GRAMD1C: variants seen among roughly 807,000 people sequenced by gnomAD.
GRAMD1C encodes the protein GRAM domain containing 1C.
Under a neutral mutation model 97.8 loss-of-function variants are expected in GRAMD1C, and 89 were observed. That is an observed-to-expected ratio of 0.91 (90% CI 0.77 to 1.09). The LOEUF (loss-of-function observed/expected upper bound fraction) is 1.09, where lower values mean the gene tolerates loss of function less well. Among genes scored for constraint, GRAMD1C ranks in the 50% least tolerant of loss-of-function variants. The pLI is 0.00. For missense variants in GRAMD1C, 740 were observed against 766.4 expected (o/e 0.97, Z 0.41); for synonymous variants, 256 against 267.0 (o/e 0.96, Z 0.40).
intron 1 of GRAMD1C, among the ~76,000 whole-genome samples, chr3:113,840,267 C>G (rs1709749493): frequency 6.6e-6 from 1 of 152,114 alleles, no homozygotes; most frequent in Non-Finnish European, 1.5e-5. Context: ...CCGCGCCCGG[C>G]CCTGAAAAAG....
At chr3:113,895,968 A>G (rs1028677774) in intron 6 of GRAMD1C, among the ~76,000 whole-genome samples, 3 of 152,330 alleles carry the variant, frequency 2.0e-5, no homozygotes, top group Non-Finnish European at 4.4e-5. Context: ...TTTTAAAATC[A>G]TAATTCTGAA....
intron 2 of GRAMD1C, among the ~76,000 whole-genome samples, chr3:113,848,177 G>A (rs1322569765): frequency 6.6e-6 from 1 of 152,164 alleles, no homozygotes; most frequent in South Asian, 2.1e-4. Context: ...CAAAATATCT[G>A]GAATAGAGTC....
intron 8 of GRAMD1C, among the ~76,000 whole-genome samples, chr3:113,905,698 C>CT (rs569942384): frequency 1.6e-3 from 228 of 144,886 alleles, no homozygotes; most frequent in African/African-American, 2.4e-3. Context: ...GGTCTCATAA[C>CT]TTTTTTTTTT....
intron 6 of GRAMD1C, among the ~76,000 whole-genome samples, chr3:113,888,868 G>A (rs1286640498): frequency 6.6e-6 from 1 of 152,184 alleles, no homozygotes; most frequent in Admixed American, 6.5e-5. Context: ...TAGCCAAAAA[G>A]TAGAAACAAT....
At chr3:113,856,879 G>T (rs1934152825) in intron 2 of GRAMD1C, among the ~76,000 whole-genome samples, 2 of 147,576 alleles carry the variant, frequency 1.4e-5, no homozygotes, top group Admixed American at 1.4e-4. Context: ...TGGCTCTGTT[G>T]CCCAGACTGG....
Position 113,936,353 on chromosome 3 carries a change from C to T in GRAMD1C, c.1544C>T (p.Thr515Ile), listed in dbSNP as rs1026966580. 1 of 1,612,348 alleles carries T rather than the reference C, an allele frequency of 6.2e-7. No individual in the cohort carries two copies. Among genetic ancestry groups the T allele is most frequent in the Non-Finnish European group, 8.5e-7 (1 of 1,178,548 alleles). The change falls in exon 14 of 18, where the codon ACC (threonine) becomes ATC (isoleucine). Residue 515 changes from threonine to isoleucine, a missense_variant. Thr to Ile is a moderately conservative substitution (Grantham distance 89). Transcript: ENST00000358160. ...KLTGLRRRRRTFNRTAETVPK... is the reference protein window; with the variant it reads ...KLTGLRRRRRIFNRTAETVPK... ...ACTGGCCTACGAAGGAGAAGGCGAA[C>T]CTTCAACCGAACAGCAGAAACAGTT...
intron 2 of GRAMD1C, among the ~76,000 whole-genome samples, chr3:113,857,439 G>T (rs916873873): frequency 6.7e-6 from 1 of 149,118 alleles, no homozygotes; most frequent in Admixed American, 6.7e-5. Context: ...GCAGTGACAC[G>T]ATCTTGGCTC....
At chr3:113,850,780 T>A (rs1157131364) in intron 2 of GRAMD1C, 17 of 746,836 alleles carry the variant, frequency 2.3e-5, no homozygotes, top group Non-Finnish European at 3.1e-5. Flanking sequence ...ATATACTTAA[T>A]TTTTTTTTTA....
At position 113,945,713 on chromosome 3, in the gene GRAMD1C, A is replaced by G; in HGVS notation, c.*235A>G. 1 of 453,534 alleles carries G rather than the reference A, an allele frequency of 2.2e-6. No individual in the cohort carries two copies. Among genetic ancestry groups the G allele is most frequent in the Non-Finnish European group, 3.9e-6 (1 of 256,336 alleles). The allele number at this position is 453,534 out of a possible 1,614,324, so 28.1% of individuals were successfully genotyped here. A position where few individuals can be genotyped will look rare whatever the true frequency, so the allele number is the denominator to read the frequency against. ...TTTAAGCTGTGAATTTCTTCAGTGA[A>G]CCATGAAATATATTATAGAACTGAA... is the stretch of plus-strand genomic sequence containing the variant. On this transcript the variant is annotated 3_prime_UTR_variant, in exon 18 of 18. Coordinates refer to ENST00000358160, the MANE Select transcript of GRAMD1C (RefSeq NM_017577.5).
intron 11 of GRAMD1C, 69 bp downstream of exon 11, chr3:113,930,901 C>T: frequency 1.3e-6 from 1 of 754,964 alleles, no homozygotes; most frequent in Non-Finnish European, 2.3e-6. Context: ...TATTATAGTT[C>T]ACCAATTTAC....
chr3:113,915,213 A>C (rs1021839967), intron 9 of GRAMD1C, among the ~76,000 whole-genome samples: 2 of 152,234 alleles, frequency 1.3e-5, no homozygotes, highest in African/African-American at 4.8e-5. Context: ...GTGAACATTA[A>C]GTCAAGTTGA....
intron 10 of GRAMD1C, among the ~76,000 whole-genome samples, 158 bp from the exon 11 acceptor site, chr3:113,930,556 C>T (rs1577217724): frequency 6.6e-6 from 1 of 152,312 alleles, no homozygotes; most frequent in Non-Finnish European, 1.5e-5. Context: ...CATTTAATCT[C>T]TCTTTTCTTT....
chr3:113,920,034 T>C, intron 10 of GRAMD1C: 1 of 860,942 alleles, frequency 1.2e-6, no homozygotes, highest in Non-Finnish European at 1.9e-6. Flanking sequence ...GTAAGGTACT[T>C]TTTGAATTTA....
At chr3:113,876,613 G>C (rs1025489171) in intron 5 of GRAMD1C, among the ~76,000 whole-genome samples, 4 of 149,490 alleles carry the variant, frequency 2.7e-5, no homozygotes, top group Non-Finnish European at 5.9e-5. Context: ...GGTGAACAGA[G>C]ATTTGGACAG....
At chr3:113,898,592 T>C (rs1045734136) in intron 6 of GRAMD1C, among the ~76,000 whole-genome samples, 4 of 152,146 alleles carry the variant, frequency 2.6e-5, no homozygotes, top group African/African-American at 9.6e-5. Context: ...TATGTTTTTT[T>C]CTATGGACAC....
rs867686482 is a variant in GRAMD1C at position 113,906,293 on chromosome 3, A to G, written c.789+2021A>G. Among the ~76,000 whole-genome samples, 23 of 152,326 alleles carry G rather than the reference A, an allele frequency of 1.5e-4. No individual in the cohort carries two copies. In the South Asian group the frequency reaches 4.3e-3, roughly 29 times the overall value. On this transcript the variant is annotated intron_variant, in intron 8 of 17. Coordinates refer to ENST00000358160, the MANE Select transcript of GRAMD1C (RefSeq NM_017577.5). ...CGGAATTCCAGAAGAAAATATTGTT[A>G]TCATAGGAGATGACAGCTCCATGCA...
chr3:113,889,640 C>T (rs904093122), intron 6 of GRAMD1C, among the ~76,000 whole-genome samples: 2 of 151,556 alleles, frequency 1.3e-5, no homozygotes, highest in African/African-American at 4.8e-5. Flanking sequence ...GATAAGAAAG[C>T]CTCTTTTTTT....
chr3:113,928,091 C>G (rs1261404251), intron 10 of GRAMD1C, among the ~76,000 whole-genome samples: 2 of 152,162 alleles, frequency 1.3e-5, no homozygotes, highest in Non-Finnish European at 2.9e-5. Flanking sequence ...ACTCACTCAT[C>G]CTTTCCCATA....
chr3:113,856,843 AT>A (rs71144093), intron 2 of GRAMD1C, among the ~76,000 whole-genome samples: 6,890 of 140,788 alleles, frequency 0.049, 466 homozygotes, highest in African/African-American at 0.16. Flanking sequence ...CCAGCTGCCT[AT>A]TTTTTTTTTT....
Sources: gnomAD v4.1 joint callset for allele counts (sites outside exome capture counted in the v4.1 genomes callset) on GRCh38, gnomAD v4.1.1 for gene constraint, MANE v1.5 for transcripts, NCBI Gene and HGNC (gene_info 2026-07-23, HGNC 2026-07-21) for gene names.